Variants in PPFIBP1 observed in about 807,000 individuals in gnomAD.
PPFIBP1 encodes liprin-beta-1.
Under a neutral mutation model 137.8 loss-of-function variants are expected in PPFIBP1, and 112 were observed. The observed-to-expected ratio is 0.81, with a 90% CI of 0.70 to 0.95. The LOEUF is 0.95. PPFIBP1 is among the 40% of genes least tolerant of loss of function. PPFIBP1 has a pLI of 0.00. For synonymous variants in PPFIBP1, 378 were observed against 417.3 expected (o/e 0.91, Z 1.15); for missense variants, 1,083 against 1,196.6 (o/e 0.91, Z 1.40).
chr12:27,543,301 A>G (rs974822752), intron 1 of PPFIBP1, among the ~76,000 whole-genome samples: 2 of 152,216 alleles, frequency 1.3e-5, no homozygotes, highest in African/African-American at 4.8e-5. Context: ...TCTTTTTTCT[A>G]TGGAGTTAAA....
At chr12:27,602,209 C>T (rs1271818678) in intron 2 of PPFIBP1, among the ~76,000 whole-genome samples, 1 of 152,158 alleles carries the variant, frequency 6.6e-6, no homozygotes, top group Non-Finnish European at 1.5e-5. Flanking sequence ...TAAATTTCCT[C>T]CAAAGCATCT....
intron 1 of PPFIBP1, among the ~76,000 whole-genome samples, chr12:27,577,242 C>T (rs1233111861): frequency 6.6e-6 from 1 of 151,406 alleles, no homozygotes; most frequent in Non-Finnish European, 1.5e-5. Context: ...AAAATGTCCT[C>T]ATGAAGGATA....
chr12:27,671,322 T>G, intron 13 of PPFIBP1, 109 bp from the exon 14 acceptor site: 1 of 606,614 alleles, frequency 1.6e-6, no homozygotes, highest in Non-Finnish European at 2.9e-6. Flanking sequence ...GAACACTGAT[T>G]ATGAGATTTT....
At chr12:27,553,074 G>T (rs566962894) in intron 1 of PPFIBP1, among the ~76,000 whole-genome samples, 24 of 152,270 alleles carry the variant, frequency 1.6e-4, no homozygotes, top group South Asian at 6.2e-4. Context: ...GAAGATTTAT[G>T]AGCCTGACTA....
intron 2 of PPFIBP1, among the ~76,000 whole-genome samples, chr12:27,595,883 C>CAACAACAA (rs1491408005): frequency 1.4e-4 from 3 of 21,214 alleles, no homozygotes; most frequent in African/African-American, 4.8e-4. Context: ...ACAACAACAA[C>CAACAACAA]AAAATATATA....
chr12:27,655,646 A>G (rs1463400231), intron 8 of PPFIBP1, among the ~76,000 whole-genome samples: 1 of 152,202 alleles, frequency 6.6e-6, no homozygotes, highest in East Asian at 1.9e-4. Context: ...ACTGCTGAGA[A>G]GCAGCACGGT....
intron 2 of PPFIBP1, among the ~76,000 whole-genome samples, chr12:27,625,924 G>A (rs1010036789): frequency 5.3e-5 from 8 of 151,968 alleles, no homozygotes; most frequent in African/African-American, 1.9e-4. Context: ...GGCTAAGGTG[G>A]GAGGATCACT....
intron 2 of PPFIBP1, among the ~76,000 whole-genome samples, chr12:27,578,512 G>A (rs1211046375): frequency 6.6e-6 from 1 of 152,056 alleles, no homozygotes; most frequent in African/African-American, 2.4e-5. Flanking sequence ...ACACAGACTT[G>A]GTAGAACATA....
chr12:27,617,404 C>T (rs773535832), intron 2 of PPFIBP1, among the ~76,000 whole-genome samples: 10 of 152,098 alleles, frequency 6.6e-5, no homozygotes, highest in East Asian at 1.9e-4. Flanking sequence ...GAATTGGAGA[C>T]GGTCAATCAA....
At chr12:27,598,404 T>C (rs1180099576) in intron 2 of PPFIBP1, among the ~76,000 whole-genome samples, 2 of 152,116 alleles carry the variant, frequency 1.3e-5, no homozygotes, top group Non-Finnish European at 2.9e-5. Context: ...GAGAACAGCG[T>C]GGGAAAGACC....
intron 2 of PPFIBP1, among the ~76,000 whole-genome samples, chr12:27,588,530 CATTA>C (rs1208649428): frequency 6.6e-6 from 1 of 152,184 alleles, no homozygotes; most frequent in African/African-American, 2.4e-5. Context: ...TCCAAACACA[CATTA>C]ACTATGAAGA....
At chr12:27,559,914 G>A (rs1011781866) in intron 1 of PPFIBP1, among the ~76,000 whole-genome samples, 3 of 152,176 alleles carry the variant, frequency 2.0e-5, no homozygotes. Context: ...TGCTGAAGCT[G>A]TTTCTTTCTC....
Position 27,682,250 on chromosome 12 carries a change from C to A in PPFIBP1, c.2047-137C>A, listed in dbSNP as rs933106057. 4 of 679,784 alleles carry A rather than the reference C, an allele frequency of 5.9e-6. No homozygotes were observed. The African/African-American group carries it at 7.2e-5, about 12-fold the overall frequency. The allele number at this position is 679,784 out of a possible 1,614,324, so 42.1% of individuals were successfully genotyped here. A position where few individuals can be genotyped will look rare whatever the true frequency, so the allele number is the denominator to read the frequency against. On this transcript the variant is annotated intron_variant, in intron 22 of 29. Transcript: ENST00000228425. Reference sequence around the variant, plus strand: ...GGACCTTTTGTTCAACAACACTTTACTAGCCCAAGTTGGGATTGTAATTCA... The same window carrying A: ...GGACCTTTTGTTCAACAACACTTTAATAGCCCAAGTTGGGATTGTAATTCA...
intron 1 of PPFIBP1, among the ~76,000 whole-genome samples, chr12:27,570,768 C>A (rs1224324969): frequency 1.3e-5 from 2 of 151,802 alleles, no homozygotes; most frequent in Admixed American, 6.6e-5. Flanking sequence ...AAAAAATTAG[C>A]CGGTTGTGGT....
chr12:27,581,210 GGT>G (rs2051074647), intron 2 of PPFIBP1, among the ~76,000 whole-genome samples: 1 of 152,184 alleles, frequency 6.6e-6, no homozygotes, highest in South Asian at 2.1e-4. Flanking sequence ...TTCAGTCTTA[GGT>G]GTTCTGGCAG....
At chr12:27,691,601 C>A in intron 27 of PPFIBP1, 148 bp from the exon 28 acceptor site, 1 of 540,336 alleles carries the variant, frequency 1.9e-6, no homozygotes, top group South Asian at 3.4e-5. Flanking sequence ...AAACATCCAG[C>A]TACTTTTCTC....
At chr12:27,638,359 A>T (rs2057837837) in intron 4 of PPFIBP1, among the ~76,000 whole-genome samples, 1 of 152,210 alleles carries the variant, frequency 6.6e-6, no homozygotes, top group Non-Finnish European at 1.5e-5. Context: ...TAAAAAAGGA[A>T]GCAGTGAATG....
intron 2 of PPFIBP1, among the ~76,000 whole-genome samples, chr12:27,604,421 TG>T (rs560519935): frequency 2.6e-5 from 4 of 152,184 alleles, no homozygotes; most frequent in Non-Finnish European, 5.9e-5. Flanking sequence ...AGATGAGGGT[TG>T]GATGTCTCTT....
At chr12:27,580,470 C>A (rs1408059805) in intron 2 of PPFIBP1, among the ~76,000 whole-genome samples, 1 of 152,142 alleles carries the variant, frequency 6.6e-6, no homozygotes, top group Non-Finnish European at 1.5e-5. Context: ...CTCTAAGATT[C>A]CCCCCAAATC....
Sources: allele counts gnomAD v4.1 joint callset (sites outside exome capture counted in the v4.1 genomes callset), GRCh38; gene constraint gnomAD v4.1.1; transcripts MANE v1.5; gene names NCBI Gene and HGNC (gene_info 2026-07-23, HGNC 2026-07-21).